The following STXBP5 variants were observed in gnomAD, a reference collection of about 807,000 sequenced individuals.
The protein encoded by STXBP5 is syntaxin binding protein 5.
A neutral mutation model predicts 152.4 loss-of-function variants in STXBP5; 50 were observed. That is an observed-to-expected ratio of 0.33 (90% confidence interval 0.26 to 0.42). The LOEUF (loss-of-function observed/expected upper bound fraction) is 0.42, where lower values mean the gene tolerates loss of function less well. Among genes scored for constraint, STXBP5 ranks in the 10% least tolerant of loss-of-function variants. The probability of loss-of-function intolerance (pLI) is 1.00; values close to 1 mark genes in which losing one functional copy is unlikely to be tolerated. For synonymous variants in STXBP5, 492 were observed against 494.7 expected, an observed-to-expected ratio of 0.99 and a Z score of 0.07; for missense variants, 1,167 against 1,388.6, an observed-to-expected ratio of 0.84 and a Z score of 2.54.
At chr6:147,358,972 G>C (rs545977205) in intron 22 of STXBP5, 112 bp from the exon 23 acceptor site, 1 of 1,215,240 alleles carries the variant, frequency 8.2e-7, no homozygotes, top group Non-Finnish European at 1.1e-6. Flanking sequence ...TAAATATGAC[G>C]TAGGTTTTGT....
rs1554222560 is a variant in STXBP5, at chr6:147,384,703, T to C, written c.3415-11T>C. On this transcript the variant is annotated splice_polypyrimidine_tract_variant and intron_variant, in intron 27 of 27. Coordinates refer to ENST00000321680, the MANE Select transcript of STXBP5 (RefSeq NM_001127715.4). The stretch of plus-strand genomic sequence containing the variant: ...TTTAAAAGCATGTTTTTCTTTTTTT[T>C]CCCCCTTTAGATTATGTTGAAATAC... The C allele has an allele frequency of 4.4e-6, 7 of 1,608,296 alleles. No homozygotes were observed. Among genetic ancestry groups the C allele is most frequent in the East Asian group, 2.2e-5 (1 of 44,812 alleles).
chr6:147,344,243 T>C (rs1784216830), intron 21 of STXBP5, among the ~76,000 whole-genome samples: 1 of 152,222 alleles, frequency 6.6e-6, no homozygotes, highest in African/African-American at 2.4e-5. Context: ...TGTGTACTTA[T>C]CCCTCTATTG....
intron 18 of STXBP5, 66 bp downstream of exon 18, chr6:147,327,342 A>G: frequency 6.5e-7 from 1 of 1,540,784 alleles, no homozygotes; most frequent in Non-Finnish European, 8.7e-7. Flanking sequence ...TACTTTTGTG[A>G]ATATAAGTAT....
intron 8 of STXBP5, among the ~76,000 whole-genome samples, chr6:147,285,030 G>T (rs907049432): frequency 2.0e-5 from 3 of 152,068 alleles, no homozygotes; most frequent in Admixed American, 2.0e-4. Context: ...ATGTATGAAT[G>T]AAATTCTGGA....
chr6:147,284,367 A>T (rs562417), intron 8 of STXBP5, among the ~76,000 whole-genome samples: 76,807 of 151,962 alleles, frequency 0.51, 19,733 homozygotes, highest in East Asian at 0.73. Flanking sequence ...TATTCATTTT[A>T]AATGAATCTT....
chr6:147,303,836 G>T (rs550031183), intron 9 of STXBP5, among the ~76,000 whole-genome samples: 13 of 152,194 alleles, frequency 8.5e-5, no homozygotes, highest in Non-Finnish European at 1.9e-4. Context: ...GATCTATGGT[G>T]AGTCTTACTG....
intron 7 of STXBP5, among the ~76,000 whole-genome samples, chr6:147,271,769 A>G (rs1040364558): frequency 6.6e-6 from 1 of 152,152 alleles, no homozygotes; most frequent in Non-Finnish European, 1.5e-5. Flanking sequence ...AAGAACTGAA[A>G]TAATAAAGAG....
chr6:147,380,493 C>G lies in STXBP5; in HGVS notation c.3194-2285C>G, dbSNP rs375550229. On this transcript the variant is annotated intron_variant, in intron 26 of 27. Transcript: ENST00000321680. Reference sequence around the variant, plus strand: ...AAAGATGTTGGGCCCCAGCTTCACACCACACACAAAAATTAATTCAAAATG... The same window carrying G: ...AAAGATGTTGGGCCCCAGCTTCACAGCACACACAAAAATTAATTCAAAATG... 2.0e-5 allele frequency among the ~76,000 whole-genome samples: 3 copies of G among 148,894 alleles called. No individual in the cohort carries two copies. In the South Asian group the frequency reaches 6.4e-4, roughly 32 times the overall value.
At chr6:147,316,879 A>G (rs1391765292) in intron 16 of STXBP5, among the ~76,000 whole-genome samples, 1 of 152,152 alleles carries the variant, frequency 6.6e-6, no homozygotes, top group Non-Finnish European at 1.5e-5. Flanking sequence ...CTAAATTTAA[A>G]TATATCTTGC....
At chr6:147,274,205 G>C (rs998105431) in intron 7 of STXBP5, among the ~76,000 whole-genome samples, 2 of 151,924 alleles carry the variant, frequency 1.3e-5, no homozygotes, top group Non-Finnish European at 2.9e-5. Flanking sequence ...GAATAATTTG[G>C]TCACATTTTC....
At chr6:147,235,600 A>T (rs1778231050) in intron 3 of STXBP5, among the ~76,000 whole-genome samples, 1 of 152,160 alleles carries the variant, frequency 6.6e-6, no homozygotes, top group African/African-American at 2.4e-5. Flanking sequence ...TTCCAGGGAT[A>T]TTGAATACTG....
chr6:147,308,335 G>A (rs754521320), intron 9 of STXBP5, among the ~76,000 whole-genome samples: 1 of 152,160 alleles, frequency 6.6e-6, no homozygotes, highest in Non-Finnish European at 1.5e-5. Context: ...TTCTATTTAG[G>A]ATAACATTTT....
At chr6:147,379,437 A>T (rs2128421989) in intron 26 of STXBP5, among the ~76,000 whole-genome samples, 1 of 152,298 alleles carries the variant, frequency 6.6e-6, no homozygotes, top group South Asian at 2.1e-4. Flanking sequence ...CAAATTGATG[A>T]GTATAATCCA....
intron 19 of STXBP5, among the ~76,000 whole-genome samples, chr6:147,338,955 T>C (rs1783965401): frequency 6.6e-6 from 1 of 151,836 alleles, no homozygotes; most frequent in Non-Finnish European, 1.5e-5. Context: ...GAGTTAATAT[T>C]TATATATACC....
intron 4 of STXBP5, among the ~76,000 whole-genome samples, chr6:147,259,079 T>C (rs1212973682): frequency 6.6e-6 from 1 of 152,134 alleles, no homozygotes; most frequent in Non-Finnish European, 1.5e-5. Context: ...AGTTTGGTGG[T>C]GCTTTGTACA....
intron 7 of STXBP5, among the ~76,000 whole-genome samples, chr6:147,276,713 GT>G (rs1480450216): frequency 8.6e-5 from 13 of 151,998 alleles, no homozygotes; most frequent in African/African-American, 2.9e-4. Flanking sequence ...TTAAAATTGA[GT>G]TTTCAAAATG....
intron 17 of STXBP5, among the ~76,000 whole-genome samples, chr6:147,326,030 A>G (rs528701814): frequency 6.6e-6 from 1 of 152,324 alleles, no homozygotes; most frequent in South Asian, 2.1e-4. Flanking sequence ...TGCAAATTTT[A>G]TGCCATTTTG....
At chr6:147,287,187 A>G (rs958731403) in intron 8 of STXBP5, among the ~76,000 whole-genome samples, 2 of 140,666 alleles carry the variant, frequency 1.4e-5, no homozygotes, top group African/African-American at 5.4e-5. Flanking sequence ...TAATAACTTA[A>G]TTGTACATTT....
At chr6:147,257,049 G>A (rs550699797) in intron 4 of STXBP5, among the ~76,000 whole-genome samples, 1 of 152,004 alleles carries the variant, frequency 6.6e-6, no homozygotes, top group East Asian at 1.9e-4. Flanking sequence ...TTACTCCCTA[G>A]TACTTAACAT....
Sources: allele counts gnomAD v4.1 joint callset (sites outside exome capture counted in the v4.1 genomes callset), GRCh38; gene constraint gnomAD v4.1.1; transcripts MANE v1.5; gene names NCBI Gene and HGNC (gene_info 2026-07-23, HGNC 2026-07-21).